ROBO2: variants seen among roughly 807,000 people sequenced by gnomAD.
ROBO2 encodes the protein roundabout homolog 2.
Under a neutral mutation model 160.8 loss-of-function variants are expected in ROBO2, and 53 were observed. That is an observed-to-expected ratio of 0.33 (90% CI 0.26 to 0.41). The LOEUF is 0.41. ROBO2 is among the 10% of genes least tolerant of loss of function. ROBO2 has a pLI of 1.00. For missense variants in ROBO2, 1,577 were observed against 1,722.4 expected (o/e 0.92, Z 1.49); for synonymous variants, 664 against 611.7 (o/e 1.09, Z -1.26).
At chr3:77,032,913 G>A (rs1364296900) in intron 2 of ROBO2, among the ~76,000 whole-genome samples, 5 of 152,180 alleles carry the variant, frequency 3.3e-5, no homozygotes, top group African/African-American at 1.2e-4. Context: ...ACTGCAAGGA[G>A]GGCTGGGGAA....
At chr3:76,615,197 A>G (rs1377393490) in intron 2 of ROBO2, among the ~76,000 whole-genome samples, 1 of 152,090 alleles carries the variant, frequency 6.6e-6, no homozygotes, top group African/African-American at 2.4e-5. Context: ...TTCTAAATCA[A>G]TTGGTGTAGA....
intron 2 of ROBO2, among the ~76,000 whole-genome samples, chr3:76,872,686 T>C (rs1182296523): frequency 6.6e-6 from 1 of 152,036 alleles, no homozygotes; most frequent in Non-Finnish European, 1.5e-5. Flanking sequence ...CTATGTTTTC[T>C]ATAAATTTTA....
intron 2 of ROBO2, among the ~76,000 whole-genome samples, chr3:76,400,587 T>C (rs1268897419): frequency 6.6e-6 from 1 of 151,480 alleles, no homozygotes; most frequent in African/African-American, 2.4e-5. Flanking sequence ...TGGTAATTTG[T>C]AAGATTGAAA....
rs2093721755 is a variant in ROBO2 at position 77,574,842 on chromosome 3, T to G, written c.2203+112T>G. ...GGAAAGATATCACCTAAAAGTAAAT[T>G]GAGGAAGTGTCGTTTTCTCCTTTTA... On this transcript the variant is annotated intron_variant, in intron 14 of 25. Transcript: ENST00000461745. The G allele has an allele frequency of 2.4e-5, 19 of 797,966 alleles. No homozygotes were observed. In the South Asian group the frequency reaches 2.8e-4, roughly 12 times the overall value. The allele number at this position is 797,966 out of a possible 1,614,324, so 49.4% of individuals were successfully genotyped here.
chr3:76,795,525 A>G (rs1342899557), intron 2 of ROBO2, among the ~76,000 whole-genome samples: 4 of 152,140 alleles, frequency 2.6e-5, no homozygotes, highest in African/African-American at 7.2e-5. Flanking sequence ...TTGCTCATCC[A>G]TAAGAAACAA....
intron 2 of ROBO2, among the ~76,000 whole-genome samples, chr3:76,721,699 A>G (rs2093469685): frequency 6.6e-6 from 1 of 152,212 alleles, no homozygotes; most frequent in African/African-American, 2.4e-5. Context: ...TATCATCCCT[A>G]AAAATGTACT....
At chr3:76,747,794 T>C (rs2093918238) in intron 2 of ROBO2, among the ~76,000 whole-genome samples, 1 of 152,016 alleles carries the variant, frequency 6.6e-6, no homozygotes, top group African/African-American at 2.4e-5. Context: ...TCTGTATGTA[T>C]TTAAAAAAAT....
intron 22 of ROBO2, among the ~76,000 whole-genome samples, chr3:77,618,625 T>C (rs2094832831): frequency 6.6e-6 from 1 of 152,118 alleles, no homozygotes; most frequent in Non-Finnish European, 1.5e-5. Context: ...GTATTTGTTT[T>C]GTTTTTTAAA....
intron 2 of ROBO2, among the ~76,000 whole-genome samples, chr3:76,191,731 T>A (rs1170316856): frequency 6.6e-6 from 1 of 151,870 alleles, no homozygotes; most frequent in Non-Finnish European, 1.5e-5. Flanking sequence ...TTGATTTTTT[T>A]TAAAAAAGAA....
intron 2 of ROBO2, among the ~76,000 whole-genome samples, chr3:76,072,360 T>C (rs2068489246): frequency 6.6e-6 from 1 of 152,158 alleles, no homozygotes; most frequent in African/African-American, 2.4e-5. Flanking sequence ...TTACCTGCTA[T>C]TTTGTGGAGA....
intron 2 of ROBO2, among the ~76,000 whole-genome samples, chr3:77,230,699 G>T (rs375373926): frequency 2.2e-4 from 34 of 152,180 alleles, no homozygotes; most frequent in African/African-American, 6.7e-4. Flanking sequence ...TGTAAGGTTG[G>T]CTTCCACATT....
intron 2 of ROBO2, among the ~76,000 whole-genome samples, chr3:76,958,579 A>T (rs962526202): frequency 6.6e-6 from 1 of 152,226 alleles, no homozygotes; most frequent in African/African-American, 2.4e-5. Context: ...TTTAAGATGG[A>T]CATATTTTAC....
chr3:76,873,582 C>CGTCGTCGTT (rs2072362026), intron 2 of ROBO2, among the ~76,000 whole-genome samples: 1 of 152,022 alleles, frequency 6.6e-6, no homozygotes, highest in Non-Finnish European at 1.5e-5. Context: ...TAGTCGTCGT[C>CGTCGTCGTT]GTCGTCGTTG....
chr3:76,616,679 A>G (rs889157838), intron 2 of ROBO2, among the ~76,000 whole-genome samples: 5 of 152,194 alleles, frequency 3.3e-5, no homozygotes, highest in Non-Finnish European at 2.9e-5. Flanking sequence ...CCAAACAAAG[A>G]TATGTAATAA....
At chr3:76,337,379 T>C (rs1182611984) in intron 2 of ROBO2, among the ~76,000 whole-genome samples, 1 of 152,186 alleles carries the variant, frequency 6.6e-6, no homozygotes, top group Admixed American at 6.5e-5. Context: ...TTAGGTAAAA[T>C]ACATGGGTTG....
At chr3:77,077,850 C>T (rs1241145076) in intron 1 of ROBO2, among the ~76,000 whole-genome samples, 2 of 152,246 alleles carry the variant, frequency 1.3e-5, no homozygotes, top group African/African-American at 2.4e-5. Flanking sequence ...ATTCTAGAAT[C>T]TCTGCCAGTT....
intron 2 of ROBO2, among the ~76,000 whole-genome samples, chr3:77,229,712 A>G (rs1277677002): frequency 2.0e-5 from 3 of 151,288 alleles, no homozygotes; most frequent in African/African-American, 7.3e-5. Flanking sequence ...CTAGCTCATC[A>G]TGGTGACAGA....
intron 2 of ROBO2, among the ~76,000 whole-genome samples, chr3:76,039,982 A>G (rs547898737): frequency 6.6e-6 from 1 of 152,076 alleles, no homozygotes; most frequent in Non-Finnish European, 1.5e-5. Context: ...GTTAAATAAT[A>G]TCTGACTTGT....
intron 2 of ROBO2, among the ~76,000 whole-genome samples, chr3:76,107,610 G>A (rs901070768): frequency 6.6e-6 from 1 of 151,936 alleles, no homozygotes; most frequent in African/African-American, 2.4e-5. Flanking sequence ...TAGAGTTTGA[G>A]TTGTGTTGGA....
Sources: allele counts gnomAD v4.1 joint callset (sites outside exome capture counted in the v4.1 genomes callset), GRCh38; gene constraint gnomAD v4.1.1; transcripts MANE v1.5; gene names NCBI Gene and HGNC (gene_info 2026-07-23, HGNC 2026-07-21).